CFAP299: variants seen among roughly 807,000 people sequenced by gnomAD.
CFAP299 encodes the protein cilia- and flagella-associated protein 299.
CFAP299 carries 21 observed loss-of-function variants against 27.0 expected under a neutral mutation model. The ratio of observed to expected loss-of-function variants is 0.78; its 90% CI spans 0.55 to 1.12. The LOEUF is 1.12. CFAP299 is among the 50% of genes most tolerant of loss of function. The probability of loss-of-function intolerance (pLI) is 0.00; values close to 1 mark genes in which losing one functional copy is unlikely to be tolerated. For missense variants in CFAP299, 310 were observed against 276.6 expected, an observed-to-expected ratio of 1.12 and a Z score of -0.86; for synonymous variants, 104 against 98.1, an observed-to-expected ratio of 1.06 and a Z score of -0.36.
intron 3 of CFAP299, among the ~76,000 whole-genome samples, chr4:80,713,103 T>C (rs1722269913): frequency 1.3e-5 from 2 of 152,064 alleles, no homozygotes; most frequent in Admixed American, 6.6e-5. Flanking sequence ...CCTAATAGAC[T>C]GGAGATGAGA....
intron 3 of CFAP299, among the ~76,000 whole-genome samples, chr4:80,785,920 A>AG (rs1042647707): frequency 6.6e-6 from 1 of 152,132 alleles, no homozygotes; most frequent in African/African-American, 2.4e-5. Context: ...AATAATTAAT[A>AG]TTTTTTGAGG....
intron 3 of CFAP299, among the ~76,000 whole-genome samples, chr4:80,840,423 C>A (rs1321879869): frequency 6.6e-6 from 1 of 152,016 alleles, no homozygotes; most frequent in East Asian, 1.9e-4. Flanking sequence ...GTAAATGTTA[C>A]CGGGTTATTT....
rs575035270 is a variant in CFAP299 at position 80,807,992 on chromosome 4, A to G, written c.334-62001A>G. Among the ~76,000 whole-genome samples, 6 of 152,068 alleles carry G rather than the reference A, an allele frequency of 3.9e-5. No homozygotes were observed. The South Asian group carries it at 8.3e-4, about 21-fold the overall frequency. ...AGAAAACCAAGAAAATAAACTATCC[A>G]TATCATGTGAGCAATTTAAACACTA... On this transcript the variant is annotated intron_variant, in intron 3 of 5. Transcript: ENST00000358105.
At chr4:80,724,509 A>T (rs1195383054) in intron 3 of CFAP299, among the ~76,000 whole-genome samples, 3 of 152,286 alleles carry the variant, frequency 2.0e-5, no homozygotes, top group African/African-American at 7.2e-5. Flanking sequence ...ACTCAAAGCA[A>T]CTATAGCCTC....
intron 2 of CFAP299, among the ~76,000 whole-genome samples, chr4:80,424,128 G>A (rs1727426730): frequency 6.6e-6 from 1 of 152,140 alleles, no homozygotes; most frequent in Non-Finnish European, 1.5e-5. Flanking sequence ...TTTTGGAAGA[G>A]GAAGGGAAAT....
chr4:80,766,202 T>C (rs935808491), intron 3 of CFAP299, among the ~76,000 whole-genome samples: 2 of 152,022 alleles, frequency 1.3e-5, no homozygotes, highest in African/African-American at 2.4e-5. Flanking sequence ...CAATCACCTA[T>C]AAAGTTAAAA....
intron 3 of CFAP299, among the ~76,000 whole-genome samples, chr4:80,720,132 G>A (rs918886980): frequency 1.3e-5 from 2 of 152,106 alleles, no homozygotes; most frequent in Non-Finnish European, 2.9e-5. Context: ...TATGGTCACT[G>A]AGAAATATGC....
chr4:80,799,548 TA>T (rs1728151887), intron 3 of CFAP299, among the ~76,000 whole-genome samples: 1 of 76,830 alleles, frequency 1.3e-5, no homozygotes, highest in Non-Finnish European at 2.2e-5. Flanking sequence ...AATACATATA[TA>T]TAATATATTT....
At chr4:80,633,982 C>CTTT (rs1225649545) in intron 3 of CFAP299, among the ~76,000 whole-genome samples, 1,722 of 115,116 alleles carry the variant, frequency 0.015, 70 homozygotes, top group African/African-American at 0.053. Context: ...GAGGAGAAAA[C>CTTT]TTTTTTTTTT....
At chr4:80,514,027 T>C (rs537823351) in intron 2 of CFAP299, among the ~76,000 whole-genome samples, 46 of 152,212 alleles carry the variant, frequency 3.0e-4, no homozygotes, top group African/African-American at 9.9e-4. Flanking sequence ...ACTTCTACTA[T>C]AGAATTTACA....
At chr4:80,543,228 A>G (rs758571627) in intron 2 of CFAP299, among the ~76,000 whole-genome samples, 20 of 152,182 alleles carry the variant, frequency 1.3e-4, no homozygotes, top group Non-Finnish European at 2.5e-4. Flanking sequence ...GCAACTTCAA[A>G]GTGTAAAGGA....
intron 3 of CFAP299, among the ~76,000 whole-genome samples, chr4:80,792,347 C>G (rs760655283): frequency 6.6e-6 from 1 of 151,874 alleles, no homozygotes; most frequent in African/African-American, 2.4e-5. Context: ...TTCTGAGTTG[C>G]GTTAGGATTT....
intron 3 of CFAP299, among the ~76,000 whole-genome samples, chr4:80,623,499 A>G (rs1407613295): frequency 1.3e-5 from 2 of 152,196 alleles, no homozygotes; most frequent in Non-Finnish European, 2.9e-5. Flanking sequence ...TGATTTTGAC[A>G]ACTATCCATA....
chr4:80,810,351 G>GACACACACACACAC (rs70956066), intron 3 of CFAP299, among the ~76,000 whole-genome samples: 1 of 147,682 alleles, frequency 6.8e-6, no homozygotes, highest in African/African-American at 2.5e-5. Context: ...CCCAACCCCT[G>GACACACACACACAC]ACACACACAC....
chr4:80,713,992 T>C (rs1331012083), intron 3 of CFAP299, among the ~76,000 whole-genome samples: 3 of 152,146 alleles, frequency 2.0e-5, no homozygotes, highest in Admixed American at 6.6e-5. Context: ...GAGCAGCCTC[T>C]ATTAAACTTA....
intron 5 of CFAP299, among the ~76,000 whole-genome samples, chr4:80,945,641 A>C (rs1440393790): frequency 6.6e-6 from 1 of 152,172 alleles, no homozygotes; most frequent in Non-Finnish European, 1.5e-5. Context: ...GAAAACTATT[A>C]TTCACATGAA....
At chr4:80,878,323 A>G (rs887412940) in intron 4 of CFAP299, among the ~76,000 whole-genome samples, 4 of 151,932 alleles carry the variant, frequency 2.6e-5, no homozygotes, top group African/African-American at 9.7e-5. Flanking sequence ...GTAATATCTG[A>G]CTCATTTCTC....
At chr4:80,419,289 C>T (rs1727170997) in intron 2 of CFAP299, among the ~76,000 whole-genome samples, 1 of 152,180 alleles carries the variant, frequency 6.6e-6, no homozygotes, top group Admixed American at 6.5e-5. Context: ...TCTTGCGTTC[C>T]TTCTCCCCTG....
At chr4:80,845,918 A>G (rs990590813) in intron 3 of CFAP299, among the ~76,000 whole-genome samples, 1 of 152,138 alleles carries the variant, frequency 6.6e-6, no homozygotes, top group South Asian at 2.1e-4. Flanking sequence ...AAGCATGCAA[A>G]TGACTCATGC....
Sources: allele counts gnomAD v4.1 joint callset (sites outside exome capture counted in the v4.1 genomes callset), GRCh38; gene constraint gnomAD v4.1.1; transcripts MANE v1.5; gene names NCBI Gene and HGNC (gene_info 2026-07-23, HGNC 2026-07-21).